MED13L: variants seen among roughly 807,000 people sequenced by gnomAD.
MED13L encodes mediator complex subunit 13L.
Under a neutral mutation model 220.9 loss-of-function variants are expected in MED13L, and 7 were observed. The observed-to-expected ratio is 0.03, with a 90% CI of 0.02 to 0.06. The LOEUF (loss-of-function observed/expected upper bound fraction) is 0.06, where lower values mean the gene tolerates loss of function less well. Among genes scored for constraint, MED13L ranks in the 10% least tolerant of loss-of-function variants. MED13L has a pLI of 1.00. For missense variants in MED13L, 1,965 were observed against 2,760.5 expected, an observed-to-expected ratio of 0.71 and a Z score of 6.46; for synonymous variants, 1,011 against 1,015.2, an observed-to-expected ratio of 1.00 and a Z score of 0.08.
Position 116,045,717 on chromosome 12 carries a change from C to T in MED13L, c.480-23116G>A, listed in dbSNP as rs542689436. Among the ~76,000 whole-genome samples, 13 of 152,104 alleles carry T rather than the reference C, an allele frequency of 8.5e-5. No individual in the cohort carries two copies. In the East Asian group the frequency reaches 2.5e-3, roughly 29 times the overall value. On this transcript the variant is annotated intron_variant, in intron 4 of 30. Transcript: ENST00000281928. The stretch of plus-strand genomic sequence containing the variant: ...CATCATAAACATTAGGATTACCAAA[C>T]GGGATCCAGTTCAGAGTTGCTATTG...
At chr12:116,010,521 A>G (rs960321890) in intron 9 of MED13L, among the ~76,000 whole-genome samples, 2 of 152,204 alleles carry the variant, frequency 1.3e-5, no homozygotes, top group South Asian at 4.1e-4. Flanking sequence ...ATTCAGCTAC[A>G]TTGCAAAAAG....
intron 2 of MED13L, among the ~76,000 whole-genome samples, chr12:116,124,146 G>GAGAGAGAGAGAGAGAC (rs1555213747): frequency 4.0e-5 from 6 of 148,170 alleles, no homozygotes; most frequent in African/African-American, 1.5e-4. Context: ...GAGAGAGAGA[G>GAGAGAGAGAGAGAGAC]AGAGACAGAG....
intron 21 of MED13L, 59 bp downstream of exon 21, chr12:115,983,058 A>C: frequency 1.3e-6 from 2 of 1,556,916 alleles, no homozygotes; most frequent in Non-Finnish European, 1.8e-6. Flanking sequence ...AAGGTGCAGA[A>C]GAAGAAGAGA....
intron 1 of MED13L, among the ~76,000 whole-genome samples, chr12:116,260,249 A>G (rs922841999): frequency 6.6e-6 from 1 of 152,236 alleles, no homozygotes; most frequent in South Asian, 2.1e-4. Context: ...TTTACAGCCA[A>G]TCTACAATGG....
At chr12:116,137,924 T>C (rs1241662768) in intron 2 of MED13L, among the ~76,000 whole-genome samples, 2 of 149,662 alleles carry the variant, frequency 1.3e-5, no homozygotes, top group African/African-American at 5.0e-5. Context: ...TGGTGCGATC[T>C]CAGCTCACTG....
At position 116,111,551 on chromosome 12, in the gene MED13L, A is replaced by T. The variant is rs1160432538; in HGVS notation, c.311-39T>A. On this transcript the variant is annotated intron_variant, in intron 2 of 30. Coordinates refer to ENST00000281928, the MANE Select transcript of MED13L (RefSeq NM_015335.5). Reference sequence around the variant, plus strand: ...GAAAAAAGAAAAAAAAAGAACCAGTAAAAAGGACATCCAAATAAAAAGAAA... The same window carrying T: ...GAAAAAAGAAAAAAAAAGAACCAGTTAAAAGGACATCCAAATAAAAAGAAA... 4 of 1,470,500 alleles carry T rather than the reference A, an allele frequency of 2.7e-6. No homozygotes were observed. In the African/African-American group the frequency reaches 5.6e-5, roughly 21 times the overall value. 91.1% of individuals were successfully genotyped at this position (1,470,500 alleles called of 1,614,324 possible). A position where few individuals can be genotyped will look rare whatever the true frequency, so the allele number is the denominator to read the frequency against.
rs1028168806 is a variant in MED13L, at chr12:115,959,385, T to C, written c.*1881A>G. ...AAGCCCCTGCATTAAAAACAGCCCA[T>C]TTAAAAAAAAAATTCAAAGTTCTGA... On this transcript the variant is annotated 3_prime_UTR_variant, in exon 31 of 31. Transcript: ENST00000281928. The C allele has an allele frequency of 6.6e-6, 1 of 152,162 alleles. No homozygotes were observed. Among genetic ancestry groups the C allele is most frequent in the Non-Finnish European group, 1.5e-5 (1 of 67,912 alleles). The allele number at this position is 152,162 out of a possible 1,614,324, so 9.4% of individuals were successfully genotyped here. A position where few individuals can be genotyped will look rare whatever the true frequency, so the allele number is the denominator to read the frequency against.
At chr12:116,222,879 T>C (rs1409354336) in intron 2 of MED13L, among the ~76,000 whole-genome samples, 2 of 152,242 alleles carry the variant, frequency 1.3e-5, no homozygotes, top group African/African-American at 2.4e-5. Context: ...CTAAAAACTA[T>C]TAAAGATTTC....
intron 5 of MED13L, among the ~76,000 whole-genome samples, chr12:116,020,755 A>G (rs1880011815): frequency 6.6e-6 from 1 of 152,208 alleles, no homozygotes; most frequent in Non-Finnish European, 1.5e-5. Flanking sequence ...TTACCCAGCC[A>G]GTTCATAGCC....
chr12:116,245,123 A>T (rs775189964), intron 1 of MED13L, among the ~76,000 whole-genome samples: 3 of 152,178 alleles, frequency 2.0e-5, no homozygotes, highest in Non-Finnish European at 2.9e-5. Flanking sequence ...ACACAGGCAA[A>T]CTGAAGGCAC....
At chr12:115,996,266 A>G (rs1337096734) in intron 16 of MED13L, among the ~76,000 whole-genome samples, 2 of 151,840 alleles carry the variant, frequency 1.3e-5, no homozygotes, top group Non-Finnish European at 2.9e-5. Flanking sequence ...AATTTTTTGT[A>G]TTTTTAGTAG....
chr12:116,035,401 G>C (rs965417773), intron 4 of MED13L, among the ~76,000 whole-genome samples: 3 of 152,040 alleles, frequency 2.0e-5, no homozygotes, highest in Non-Finnish European at 1.5e-5. Context: ...TGTAAACTAT[G>C]CAATCTTTAC....
At chr12:116,150,611 A>G (rs941387599) in intron 2 of MED13L, among the ~76,000 whole-genome samples, 2 of 152,154 alleles carry the variant, frequency 1.3e-5, no homozygotes, top group Admixed American at 1.3e-4. Flanking sequence ...CTCCTCTGAC[A>G]CTTAGGATAA....
intron 2 of MED13L, among the ~76,000 whole-genome samples, chr12:116,173,738 G>A (rs572079299): frequency 6.6e-6 from 1 of 152,066 alleles, no homozygotes; most frequent in Non-Finnish European, 1.5e-5. Flanking sequence ...GAGCACAAAG[G>A]ACTATCCACA....
chr12:115,995,891 T>C (rs547251748), intron 16 of MED13L, among the ~76,000 whole-genome samples: 1 of 152,352 alleles, frequency 6.6e-6, no homozygotes, highest in Non-Finnish European at 1.5e-5. Context: ...AAGTACAGCA[T>C]GTCCTGAACG....
chr12:116,061,097 TAGTA>T (rs1869438920), intron 4 of MED13L, among the ~76,000 whole-genome samples: 1 of 152,196 alleles, frequency 6.6e-6, no homozygotes, highest in South Asian at 2.1e-4. Flanking sequence ...GAAACTAACT[TAGTA>T]AGACTATAGA....
chr12:116,217,429 C>G (rs1593175707), intron 2 of MED13L, among the ~76,000 whole-genome samples: 1 of 152,152 alleles, frequency 6.6e-6, no homozygotes, highest in East Asian at 1.9e-4. Flanking sequence ...TAACTACATC[C>G]CTTTGAGTTT....
At chr12:116,255,244 C>T (rs1277675306) in intron 1 of MED13L, among the ~76,000 whole-genome samples, 1 of 152,086 alleles carries the variant, frequency 6.6e-6, no homozygotes, top group East Asian at 1.9e-4. Context: ...CACATAGAGT[C>T]CATTAATTTT....
intron 1 of MED13L, among the ~76,000 whole-genome samples, chr12:116,264,323 A>G (rs1872690955): frequency 6.6e-6 from 1 of 152,226 alleles, no homozygotes; most frequent in African/African-American, 2.4e-5. Flanking sequence ...TCATTTCAGC[A>G]GATATATCTC....
Sources: allele counts gnomAD v4.1 joint callset (sites outside exome capture counted in the v4.1 genomes callset), GRCh38; gene constraint gnomAD v4.1.1; transcripts MANE v1.5; gene names NCBI Gene and HGNC (gene_info 2026-07-23, HGNC 2026-07-21).